The following CCDC91 variants were observed in gnomAD, a reference collection of about 807,000 sequenced individuals.
The protein encoded by CCDC91 is coiled-coil domain containing 91.
Under a neutral mutation model 63.2 loss-of-function variants are expected in CCDC91, and 48 were observed. The ratio of observed to expected loss-of-function variants is 0.76; its 90% CI spans 0.60 to 0.97. CCDC91 has a LOEUF of 0.97. CCDC91 is among the 50% of genes least tolerant of loss of function. CCDC91 has a pLI of 0.00. For synonymous variants in CCDC91, 167 were observed against 165.8 expected (o/e 1.01, Z -0.06); for missense variants, 500 against 494.6 (o/e 1.01, Z -0.10).
intron 6 of CCDC91, among the ~76,000 whole-genome samples, chr12:28,330,128 C>G (rs756550825): frequency 1.3e-5 from 2 of 152,112 alleles, no homozygotes; most frequent in Non-Finnish European, 2.9e-5. Flanking sequence ...TGGGTCTATA[C>G]CCAGTAATGG....
chr12:28,216,541 T>G (rs1943571328), intron 1 of CCDC91, among the ~76,000 whole-genome samples: 1 of 151,960 alleles, frequency 6.6e-6, no homozygotes. Flanking sequence ...AGGAAGGTAA[T>G]CATAATAATT....
At chr12:28,309,561 T>C (rs1424668563) in intron 6 of CCDC91, among the ~76,000 whole-genome samples, 1 of 152,078 alleles carries the variant, frequency 6.6e-6, no homozygotes, top group Non-Finnish European at 1.5e-5. Context: ...GTTTCGTCTC[T>C]AACCTATTGC....
At chr12:28,208,618 A>C (rs1303333227) in intron 1 of CCDC91, among the ~76,000 whole-genome samples, 6 of 152,196 alleles carry the variant, frequency 3.9e-5, no homozygotes, top group African/African-American at 1.2e-4. Context: ...AAAATACTTG[A>C]TATTATGAAA....
chr12:28,364,103 TG>T (rs1454073656), intron 7 of CCDC91, among the ~76,000 whole-genome samples: 1 of 152,006 alleles, frequency 6.6e-6, no homozygotes, highest in African/African-American at 2.4e-5. Flanking sequence ...TGTCTGATTT[TG>T]GCAGAGCATG....
chr12:28,231,847 G>A lies in CCDC91; in HGVS notation c.-14-25355G>A, dbSNP rs528492674. Reference sequence around the variant, plus strand: ...AAGTTTACATCTGGTTTTATGTTAAGTGAATCTGATTCAGGCACAGCTATC... The same window carrying A: ...AAGTTTACATCTGGTTTTATGTTAAATGAATCTGATTCAGGCACAGCTATC... On this transcript the variant is annotated intron_variant, in intron 1 of 12. Transcript: ENST00000536442. Among the ~76,000 whole-genome samples the A allele has an allele frequency of 6.1e-4, 93 of 152,260 alleles. 3 individuals are homozygous for A. Among genetic ancestry groups the A allele is most frequent in the Non-Finnish European group, 5.4e-4 (37 of 67,996 alleles).
chr12:28,523,549 T>C (rs1295389031), intron 12 of CCDC91, among the ~76,000 whole-genome samples: 1 of 152,194 alleles, frequency 6.6e-6, no homozygotes, highest in African/African-American at 2.4e-5. Context: ...CTGTGTCTTT[T>C]AAATGGAGCA....
chr12:28,445,297 C>CT (rs1246314979), intron 8 of CCDC91, among the ~76,000 whole-genome samples: 3 of 152,126 alleles, frequency 2.0e-5, no homozygotes, highest in Admixed American at 2.0e-4. Context: ...ACTAATCTAT[C>CT]CTACCTCTTA....
At chr12:28,455,877 G>A (rs1005622532) in intron 11 of CCDC91, among the ~76,000 whole-genome samples, 3 of 151,918 alleles carry the variant, frequency 2.0e-5, no homozygotes, top group African/African-American at 4.8e-5. Context: ...TATCCCCATT[G>A]TTACAGATGG....
chr12:28,396,642 TTTTGTGTGTGTGTG>T (rs1448399812), intron 8 of CCDC91, among the ~76,000 whole-genome samples: 2,235 of 148,588 alleles, frequency 0.015, 11 homozygotes, highest in Admixed American at 0.018. Context: ...ATAAAGGAGA[TTTTGTGTGTGTGTG>T]TGTGTGTGTG....
At chr12:28,494,620 C>T (rs1275929884) in intron 12 of CCDC91, among the ~76,000 whole-genome samples, 6 of 151,746 alleles carry the variant, frequency 4.0e-5, no homozygotes, top group African/African-American at 9.7e-5. Flanking sequence ...AGTTGTCATA[C>T]GTGATGGTGA....
intron 8 of CCDC91, among the ~76,000 whole-genome samples, chr12:28,400,951 C>T (rs1468941706): frequency 6.6e-6 from 1 of 152,202 alleles, no homozygotes; most frequent in East Asian, 1.9e-4. Context: ...AACTTTCCCA[C>T]ATCTTCCTGG....
rs1217580461 is a variant in CCDC91, at chr12:28,333,396, GAA to G, written c.576+25665_576+25666del. Among the ~76,000 whole-genome samples, 192 of 89,094 alleles carry G rather than the reference GAA, an allele frequency of 2.2e-3. 4 individuals carry two copies. The East Asian group carries it at 0.035, about 16-fold the overall frequency. The allele number at this position is 89,094 out of a possible 152,430, so 58.4% of individuals were successfully genotyped here. A position where few individuals can be genotyped will look rare whatever the true frequency, so the allele number is the denominator to read the frequency against. On this transcript the variant is annotated intron_variant, in intron 6 of 12. Coordinates refer to ENST00000536442, the MANE Select transcript of CCDC91 (RefSeq NM_018318.5). ...GGTGACAGAGCAAGACTCCATCTCA[GAA>G]AAAAAAAAAAAAAAAAATTAAATAA...
chr12:28,192,061 G>A (rs920890394), intron 1 of CCDC91, among the ~76,000 whole-genome samples: 1 of 152,156 alleles, frequency 6.6e-6, no homozygotes. Context: ...GCTTCTTATT[G>A]GAGTGATCCA....
intron 8 of CCDC91, among the ~76,000 whole-genome samples, chr12:28,430,127 G>A (rs186643229): frequency 1.3e-5 from 2 of 151,934 alleles, no homozygotes; most frequent in Admixed American, 6.6e-5. Flanking sequence ...TGTTACAATA[G>A]CTATTTCTAA....
chr12:28,501,375 C>T (rs1224895800), intron 12 of CCDC91, among the ~76,000 whole-genome samples: 5 of 151,830 alleles, frequency 3.3e-5, no homozygotes, highest in South Asian at 2.1e-4. Context: ...TTTTGAGATA[C>T]GTCCCATCAA....
chr12:28,218,479 C>G (rs1943713496), intron 1 of CCDC91, among the ~76,000 whole-genome samples: 1 of 133,618 alleles, frequency 7.5e-6, no homozygotes, highest in Non-Finnish European at 1.7e-5. Flanking sequence ...AAAAAATCAC[C>G]AATATTAAGT....
At chr12:28,342,311 A>G (rs1310118120) in intron 6 of CCDC91, among the ~76,000 whole-genome samples, 1 of 152,188 alleles carries the variant, frequency 6.6e-6, no homozygotes. Context: ...TGACTTATAG[A>G]ACTGTAAGAT....
intron 1 of CCDC91, among the ~76,000 whole-genome samples, chr12:28,233,284 T>G (rs2135847404): frequency 6.6e-6 from 1 of 152,284 alleles, no homozygotes; most frequent in African/African-American, 2.4e-5. Context: ...ACTCTTCTGA[T>G]TTCTGTTACA....
intron 7 of CCDC91, among the ~76,000 whole-genome samples, chr12:28,385,091 A>T (rs1945519021): frequency 6.6e-6 from 1 of 152,170 alleles, no homozygotes; most frequent in South Asian, 2.1e-4. Flanking sequence ...AGTTTTGCTC[A>T]TGTTATTTTT....
Sources: allele counts gnomAD v4.1 joint callset (sites outside exome capture counted in the v4.1 genomes callset), GRCh38; gene constraint gnomAD v4.1.1; transcripts MANE v1.5; gene names NCBI Gene and HGNC (gene_info 2026-07-23, HGNC 2026-07-21).